Variants in GLRA2 observed in about 807,000 individuals in gnomAD.
GLRA2 encodes glycine receptor subunit alpha-2.
GLRA2 carries 11 observed loss-of-function variants against 31.6 expected under a neutral mutation model. The ratio of observed to expected loss-of-function variants is 0.35; its 90% confidence interval spans 0.22 to 0.58. The LOEUF (loss-of-function observed/expected upper bound fraction) is 0.58. Ranked by LOEUF, GLRA2 falls within the 20% of genes least tolerant of loss-of-function variation. The probability of loss-of-function intolerance (pLI) is 0.84; values close to 1 mark genes in which losing one functional copy is unlikely to be tolerated. For synonymous variants in GLRA2, 132 were observed against 134.0 expected (o/e 0.99, Z 0.10); for missense variants, 212 against 351.8 (o/e 0.60, Z 3.18).
chrX:14,651,959 C>A (rs2090894713), intron 7 of GLRA2, among the ~76,000 whole-genome samples: 1 of 110,875 alleles, frequency 9.0e-6, no homozygotes. Flanking sequence ...GAATTAGTGC[C>A]TTTGTAAGAA....
the GLRA2 span, among the ~76,000 whole-genome samples, chrX:14,497,720 T>TA: frequency 8.9e-6 from 1 of 111,808 alleles, no homozygotes; most frequent in Non-Finnish European, 1.9e-5. Context: ...TTCTTAGTTT[T>TA]AAAAAATGTT....
chrX:14,693,473 G>C (rs1268772583), intron 8 of GLRA2, among the ~76,000 whole-genome samples: 3 of 111,493 alleles, frequency 2.7e-5, no homozygotes, highest in African/African-American at 9.8e-5. Context: ...AATACACCAA[G>C]TTTAAATTGA....
chrX:14,581,092 G>C, intron 3 of GLRA2, 91 bp from the exon 4 acceptor site: 1 of 586,663 alleles, frequency 1.7e-6, no homozygotes, highest in South Asian at 2.5e-5. Context: ...CACCAAAGCT[G>C]TATCAAATCA....
intron 8 of GLRA2, among the ~76,000 whole-genome samples, chrX:14,691,628 C>G (rs562211990): frequency 8.1e-5 from 9 of 111,451 alleles, no homozygotes; most frequent in African/African-American, 2.9e-4. Flanking sequence ...ACCAACTAAA[C>G]CTCAATGTTA....
Position 14,592,604 on chromosome X carries a change from C to T in GLRA2, c.494+11198C>T, listed in dbSNP as rs768376933. Among the ~76,000 whole-genome samples the T allele has an allele frequency of 6.8e-4, 76 of 111,099 alleles. 1 individual carries two copies. Among genetic ancestry groups the T allele is most frequent in the Admixed American group, 3.2e-3 (33 of 10,418 alleles). On this transcript the variant is annotated intron_variant, in intron 4 of 8. Coordinates refer to ENST00000218075, the MANE Select transcript of GLRA2 (RefSeq NM_002063.4). The stretch of plus-strand genomic sequence containing the variant: ...GGAGGATAGCTTGAGCCCAGGAAGT[C>T]GAGGCTGTAGTGAGCCAAGATCATG...
chrX:14,574,285 G>C (rs2089923836), intron 2 of GLRA2, 48 bp from the exon 3 acceptor site: 1 of 772,729 alleles, frequency 1.3e-6, no homozygotes, highest in South Asian at 2.1e-5. Context: ...TAATGGAGCT[G>C]TATTTTTGCT....
At chrX:14,519,727 A>G in the GLRA2 span, among the ~76,000 whole-genome samples, 2 of 112,136 alleles carry the variant, frequency 1.8e-5, no homozygotes, top group Non-Finnish European at 3.8e-5. Context: ...ATCTCCCTAG[A>G]TACTGTAACC....
intron 4 of GLRA2, among the ~76,000 whole-genome samples, chrX:14,589,421 A>T (rs1484901261): frequency 3.8e-5 from 4 of 106,069 alleles, no homozygotes; most frequent in Non-Finnish European, 7.7e-5. Flanking sequence ...GCACTTTGGG[A>T]GGCCGAGATG....
intron 8 of GLRA2, among the ~76,000 whole-genome samples, chrX:14,713,264 A>G (rs1192963773): frequency 8.9e-6 from 1 of 111,986 alleles, no homozygotes; most frequent in African/African-American, 3.2e-5. Flanking sequence ...CTCAACATTC[A>G]CCTTGCACCC....
chrX:14,474,651 CAGCTGGGATGGCTGGGATGGCTGGGAT>C, the GLRA2 span, among the ~76,000 whole-genome samples: 12 of 101,813 alleles, frequency 1.2e-4, no homozygotes, highest in African/African-American at 4.4e-4. Context: ...AGGATGGCTT[CAGCTGGGATGGCTGGGATGGCTGGGAT>C]GGCTGGGATG....
chrX:14,682,538 A>T (rs1273820995), intron 7 of GLRA2, among the ~76,000 whole-genome samples: 1 of 110,670 alleles, frequency 9.0e-6, no homozygotes, highest in Non-Finnish European at 1.9e-5. Context: ...TGTGTTTGAA[A>T]CTATTTTAAA....
intron 7 of GLRA2, among the ~76,000 whole-genome samples, chrX:14,681,910 A>AAT (rs1556060452): frequency 0.015 from 628 of 41,172 alleles, 22 homozygotes; most frequent in Non-Finnish European, 0.018. Context: ...AAAAAAAAAA[A>AAT]ATATATATAT....
At chrX:14,489,811 A>C in the GLRA2 span, among the ~76,000 whole-genome samples, 2 of 112,855 alleles carry the variant, frequency 1.8e-5, no homozygotes, top group African/African-American at 3.2e-5. Flanking sequence ...GCTGGAGCAG[A>C]ACCTGGGACA....
At position 14,637,237 on chromosome X, in the gene GLRA2, C is replaced by T. The variant is rs749835285; in HGVS notation, c.930+28032C>T. ...AGCCTAGCTTAGGTCCCCTGATCAC[C>T]CTGGACAAATGAATTGCCATCAAGT... On this transcript the variant is annotated intron_variant, in intron 7 of 8. Transcript: ENST00000218075. Among the ~76,000 whole-genome samples, 13 of 111,794 alleles carry T rather than the reference C, an allele frequency of 1.2e-4. No individual in the cohort carries two copies. In the East Asian group the frequency reaches 3.4e-3, roughly 29 times the overall value.
chrX:14,716,888 G>A (rs944888616), intron 8 of GLRA2, among the ~76,000 whole-genome samples: 4 of 111,209 alleles, frequency 3.6e-5, no homozygotes, highest in Admixed American at 9.5e-5. Flanking sequence ...TTTGCACATC[G>A]CCTTGTATGT....
At chrX:14,692,457 G>A (rs2091374487) in intron 8 of GLRA2, among the ~76,000 whole-genome samples, 1 of 111,754 alleles carries the variant, frequency 8.9e-6, no homozygotes, top group South Asian at 3.7e-4. Flanking sequence ...ACTGTCTATT[G>A]GTCAGTGGAT....
At chrX:14,586,078 T>G (rs993705845) in intron 4 of GLRA2, among the ~76,000 whole-genome samples, 1 of 111,655 alleles carries the variant, frequency 9.0e-6, no homozygotes, top group Non-Finnish European at 1.9e-5. Context: ...AAAACAAATA[T>G]AGAAATATAC....
the GLRA2 span, among the ~76,000 whole-genome samples, chrX:14,511,138 A>G: frequency 8.9e-6 from 1 of 111,768 alleles, no homozygotes; most frequent in Non-Finnish European, 1.9e-5. Context: ...ATACAACTGG[A>G]TTTGTCTAGT....
At chrX:14,692,273 C>A (rs1404994794) in intron 8 of GLRA2, among the ~76,000 whole-genome samples, 1 of 112,417 alleles carries the variant, frequency 8.9e-6, no homozygotes, top group Admixed American at 9.4e-5. Flanking sequence ...GTGCCTTTCT[C>A]AATTTTCTCC....
Sources: gnomAD v4.1 joint callset for allele counts (sites outside exome capture counted in the v4.1 genomes callset) on GRCh38, gnomAD v4.1.1 for gene constraint, MANE v1.5 for transcripts, NCBI Gene and HGNC (gene_info 2026-07-23, HGNC 2026-07-21) for gene names.